The following TMCO6 variants were observed in gnomAD, a reference collection of about 807,000 sequenced individuals.
TMCO6 encodes the protein transmembrane and coiled-coil domains 6.
In TMCO6, 47 loss-of-function variants were observed where a neutral mutation model predicts 61.8. The observed-to-expected ratio is 0.76, with a 90% CI of 0.60 to 0.97. The LOEUF (loss-of-function observed/expected upper bound fraction) is 0.97. Among genes scored for constraint, TMCO6 ranks in the 50% least tolerant of loss-of-function variants. The pLI is 0.00. For synonymous variants in TMCO6, 261 were observed against 254.2 expected, an observed-to-expected ratio of 1.03 and a Z score of -0.25; for missense variants, 557 against 601.6, an observed-to-expected ratio of 0.93 and a Z score of 0.78.
At chr5:140,647,032 C>T (rs559435640), downstream of TMCO6, 8 of 515,070 alleles carry the variant, frequency 1.6e-5, no homozygotes, top group Non-Finnish European at 3.4e-6. Flanking sequence ...AGCTCCTGGT[C>T]CCTACGCAGG....
rs772588250 is a variant in TMCO6, at chr5:140,643,668, T to A, written c.911T>A (p.Leu304Gln). 25 of 1,611,578 alleles carry A rather than the reference T, an allele frequency of 1.6e-5. No homozygotes were observed. In the Admixed American group the frequency reaches 4.0e-4, roughly 26 times the overall value. Residue 304 changes from leucine (L) to glutamine (Q), a missense_variant, in exon 8 of 12, where the codon CTG becomes CAG. Leu to Gln is a moderately radical substitution (Grantham distance 113, BLOSUM62 -2). Coordinates refer to ENST00000394671, the MANE Select transcript of TMCO6 (RefSeq NM_018502.5). Reference protein sequence around the residue: ...GAVQKTEDAGLELLACPVLRC... With the variant: ...GAVQKTEDAGQELLACPVLRC... Reference sequence around the variant, plus strand: ...GTCCAGAAAACCGAGGATGCAGGACTGGAGCTGGTAGGTGAAGATGTCAGG... The same window carrying A: ...GTCCAGAAAACCGAGGATGCAGGACAGGAGCTGGTAGGTGAAGATGTCAGG...
the TMCO6 span, among the ~76,000 whole-genome samples, chr5:140,601,024 A>G: frequency 3.3e-3 from 503 of 152,150 alleles, 3 homozygotes; most frequent in Middle Eastern, 0.014. Context: ...GTGCCCCATT[A>G]AGACATAATA....
At chr5:140,606,906 G>A in the TMCO6 span, among the ~76,000 whole-genome samples, 2 of 151,902 alleles carry the variant, frequency 1.3e-5, no homozygotes, top group East Asian at 1.9e-4. Flanking sequence ...GGAATACAAC[G>A]ATGTTGATGA....
At chr5:140,607,281 G>A in the TMCO6 span, among the ~76,000 whole-genome samples, 2 of 152,252 alleles carry the variant, frequency 1.3e-5, no homozygotes, top group East Asian at 3.9e-4. Flanking sequence ...AGCATAAGTG[G>A]AATCATACAA....
the TMCO6 span, among the ~76,000 whole-genome samples, chr5:140,604,780 C>CTTT: frequency 0.014 from 1,694 of 124,696 alleles, 44 homozygotes; most frequent in African/African-American, 0.046. Flanking sequence ...TGTCATTTCT[C>CTTT]TTTTTTTTTT....
chr5:140,623,497 A>G, the TMCO6 span, among the ~76,000 whole-genome samples: 3 of 152,152 alleles, frequency 2.0e-5, no homozygotes, highest in African/African-American at 4.8e-5. Flanking sequence ...GTGCACCTAA[A>G]TAATTAATAA....
At chr5:140,631,936 G>A in the TMCO6 span, 1 of 1,612,562 alleles carries the variant, frequency 6.2e-7, no homozygotes, top group South Asian at 1.1e-5. Flanking sequence ...GCACAGGCTG[G>A]GACCACGCCG....
At chr5:140,602,781 A>AAC in the TMCO6 span, among the ~76,000 whole-genome samples, 27 of 150,518 alleles carry the variant, frequency 1.8e-4, no homozygotes, top group Non-Finnish European at 3.5e-4. Context: ...CACACACACA[A>AAC]ACACACACAC....
Position 140,639,839 on chromosome 5 carries a change from C to T in TMCO6, c.186C>T (p.Leu62=), listed in dbSNP as rs536708880. 6 of 1,606,016 alleles carry T rather than the reference C, an allele frequency of 3.7e-6. No individual in the cohort carries two copies. Among genetic ancestry groups the T allele is most frequent in the South Asian group, 2.2e-5 (2 of 89,086 alleles). ...EAGEGCVAAI[L]GETEVQQFLR... The stretch of plus-strand genomic sequence containing the variant: ...GAGAGGGATGTGTGGCTGCGATCCT[C>T]GGGGAAACCGAGGTGAGGGGGCAAG... The change falls in exon 2 of 12, where the codon CTC becomes CTT. Residue 62 remains leucine, a synonymous_variant. Transcript: ENST00000394671.
At chr5:140,644,763 C>G (rs1195798649) in intron 11 of TMCO6, 23 bp downstream of exon 11, 3 of 1,613,408 alleles carry the variant, frequency 1.9e-6, no homozygotes, top group Non-Finnish European at 2.5e-6. Context: ...GGCCCACATC[C>G]TCAGTCACCC....
At chr5:140,607,805 T>TC in the TMCO6 span, among the ~76,000 whole-genome samples, 24 of 151,384 alleles carry the variant, frequency 1.6e-4, no homozygotes, top group African/African-American at 5.6e-4. Context: ...TTTTTTTTTT[T>TC]CTGAGACAGG....
chr5:140,618,964 A>C, the TMCO6 span, among the ~76,000 whole-genome samples: 1 of 152,220 alleles, frequency 6.6e-6, no homozygotes. Context: ...AAAAGAAAGA[A>C]TCGATAATCT....
chr5:140,632,897 A>C, the TMCO6 span: 1 of 1,614,162 alleles, frequency 6.2e-7, no homozygotes, highest in African/African-American at 1.3e-5. This position sits in a 1 kb window ranked among gnomAD's most constrained non-coding sequence, Gnocchi z 6.2. Context: ...GGAAATCTTC[A>C]TCGTCCAGCT....
the TMCO6 span, among the ~76,000 whole-genome samples, chr5:140,602,533 G>A: frequency 6.6e-6 from 1 of 151,936 alleles, no homozygotes; most frequent in African/African-American, 2.4e-5. Context: ...AGAGGCTGAG[G>A]CACGTGGATC....
At chr5:140,612,366 G>T in the TMCO6 span, among the ~76,000 whole-genome samples, 1 of 139,832 alleles carries the variant, frequency 7.2e-6, no homozygotes, top group Non-Finnish European at 1.5e-5. Flanking sequence ...TTGAGACGGA[G>T]TCTCGCTCTT....
chr5:140,614,605 C>T, the TMCO6 span, among the ~76,000 whole-genome samples: 1 of 151,936 alleles, frequency 6.6e-6, no homozygotes. Context: ...GAAGTACTTT[C>T]TTTCTTTCAT....
chr5:140,614,227 G>T, the TMCO6 span, among the ~76,000 whole-genome samples: 5 of 151,198 alleles, frequency 3.3e-5, no homozygotes, highest in African/African-American at 1.2e-4. Context: ...CAACAAATGC[G>T]GCCAGGCACA....
upstream of TMCO6, among the ~76,000 whole-genome samples, chr5:140,635,496 A>G (rs1008156682): frequency 1.3e-5 from 2 of 152,188 alleles, no homozygotes; most frequent in African/African-American, 4.8e-5. Context: ...ACACCTCATC[A>G]TCTTAGGGGA....
At chr5:140,610,971 C>G in the TMCO6 span, among the ~76,000 whole-genome samples, 2 of 151,992 alleles carry the variant, frequency 1.3e-5, no homozygotes, top group Non-Finnish European at 1.5e-5. Context: ...TTTAAATAAT[C>G]ACGTGGTTTT....
Sources: allele counts gnomAD v4.1 joint callset (sites outside exome capture counted in the v4.1 genomes callset), GRCh38; gene constraint gnomAD v4.1.1; non-coding constraint Gnocchi (gnomAD v3.1); transcripts MANE v1.5; gene names NCBI Gene and HGNC (gene_info 2026-07-23, HGNC 2026-07-21).